The following NR2C1 variants were observed in gnomAD, a reference collection of about 807,000 sequenced individuals.
The protein encoded by NR2C1 is TR2 nuclear hormone receptor.
A neutral mutation model predicts 74.8 loss-of-function variants in NR2C1; 33 were observed. The ratio of observed to expected loss-of-function variants is 0.44; its 90% CI spans 0.33 to 0.59. NR2C1 has a LOEUF of 0.59. Ranked by LOEUF, NR2C1 falls within the 20% of genes least tolerant of loss-of-function variation. The pLI is 0.02. For synonymous variants in NR2C1, 225 were observed against 240.6 expected (o/e 0.94, Z 0.60); for missense variants, 568 against 715.6 (o/e 0.79, Z 2.35).
At chr12:95,030,381 T>G in intron 11 of NR2C1, 1 of 1,096,132 alleles carries the variant, frequency 9.1e-7, no homozygotes, top group Non-Finnish European at 1.2e-6. Context: ...GTAAAAACAC[T>G]GTTAAGAAGA....
At chr12:95,040,085 CAGCTCTTT>C (rs1030321106) in intron 10 of NR2C1, among the ~76,000 whole-genome samples, 2 of 151,584 alleles carry the variant, frequency 1.3e-5, no homozygotes, top group African/African-American at 4.9e-5. Flanking sequence ...AGGCAAAATT[CAGCTCTTT>C]AGTAACATGC....
chr12:95,044,995 G>GGA (rs1872128720), intron 9 of NR2C1, among the ~76,000 whole-genome samples: 3 of 152,192 alleles, frequency 2.0e-5, no homozygotes, highest in Non-Finnish European at 4.4e-5. Flanking sequence ...CTTGTGGCCA[G>GGA]GAGTTTGAGA....
At position 95,057,844 on chromosome 12, in the gene NR2C1, T is replaced by C; in HGVS notation, c.579A>G (p.Ser193=). The change falls in exon 6 of 14, where the codon TCA becomes TCG. Residue 193 remains serine (S), a synonymous_variant. Transcript: ENST00000333003. ...VQCERKPIEV[S]REKSSNCAAS... is the part of the protein sequence containing the mutation. ...CGGCACAGTTGGAAGATTTTTCTCG[T>C]GATACTTCAATGGGTTTTCTTTCAC... 6 of 1,614,054 alleles carry C rather than the reference T, an allele frequency of 3.7e-6. No homozygotes were observed. The highest frequency in any genetic ancestry group is 3.4e-6 in the Non-Finnish European group (4 of 1,179,930).
intron 7 of NR2C1, among the ~76,000 whole-genome samples, 164 bp downstream of exon 7, chr12:95,057,389 G>A (rs889005202): frequency 6.6e-6 from 1 of 151,438 alleles, no homozygotes; most frequent in African/African-American, 2.4e-5. Context: ...ACAGATGTGA[G>A]CCACTGTGCC....
In NR2C1 at chr12:95,073,576, G is replaced by C. The variant is rs1417134464; in HGVS notation, c.-204C>G. 2.0e-5 allele frequency: 3 copies of C among 152,278 alleles called. No individual in the cohort carries two copies. Among genetic ancestry groups the C allele is most frequent in the South Asian group, 4.1e-4 (2 of 4,832 alleles). The allele number at this position is 152,278 out of a possible 1,614,324, so 9.4% of individuals were successfully genotyped here. A position where few individuals can be genotyped will look rare whatever the true frequency, so the allele number is the denominator to read the frequency against. Reference sequence around the variant, plus strand: ...GTCAGAGTTCGTGACCTCTTTCTCGGCTCGGCGGCGCGCTATCCCGCCAGC... The same window carrying C: ...GTCAGAGTTCGTGACCTCTTTCTCGCCTCGGCGGCGCGCTATCCCGCCAGC... On this transcript the variant is annotated 5_prime_UTR_variant, in exon 1 of 14. Transcript: ENST00000333003.
intron 12 of NR2C1, 111 bp from the exon 13 acceptor site, chr12:95,025,366 T>C: frequency 1.6e-6 from 1 of 609,954 alleles, no homozygotes; most frequent in East Asian, 3.1e-5. Flanking sequence ...CATCATAAAA[T>C]GTGTGGCTCA....
At chr12:95,034,322 G>A (rs1446511387) in intron 10 of NR2C1, among the ~76,000 whole-genome samples, 1 of 151,918 alleles carries the variant, frequency 6.6e-6, no homozygotes, top group Non-Finnish European at 1.5e-5. Flanking sequence ...AAGAAAACCG[G>A]TATTTTATAA....
At chr12:95,033,831 G>A (rs1010695138) in intron 10 of NR2C1, among the ~76,000 whole-genome samples, 1 of 152,216 alleles carries the variant, frequency 6.6e-6, no homozygotes, top group African/African-American at 2.4e-5. Flanking sequence ...ATCTTAGCGA[G>A]TACAGAACAG....
chr12:95,059,784 CTTTA>C (rs1874469961), intron 4 of NR2C1, 118 bp downstream of exon 4: 2 of 683,848 alleles, frequency 2.9e-6, no homozygotes, highest in Non-Finnish European at 4.7e-6. Flanking sequence ...CGACATACTC[CTTTA>C]TTTCTCTTCT....
chr12:95,020,307 T>C lies in NR2C1; in HGVS notation c.*1922A>G, dbSNP rs1868661287. ...TTGTAATGCAAGTCACATTTTAATA[T>C]AGTTTTAAAGTCTTCCAAATATAGT... On this transcript the variant is annotated 3_prime_UTR_variant, in exon 14 of 14. Coordinates refer to ENST00000333003, the MANE Select transcript of NR2C1 (RefSeq NM_003297.4). 1 of 152,218 alleles carries C rather than the reference T, an allele frequency of 6.6e-6. No individual in the cohort carries two copies. The highest frequency in any genetic ancestry group is 6.5e-5 in the Admixed American group (1 of 15,270). The allele number at this position is 152,218 out of a possible 1,614,324, so 9.4% of individuals were successfully genotyped here.
At chr12:95,072,656 A>T (rs1030422790) in intron 1 of NR2C1, 2 of 152,176 alleles carry the variant, frequency 1.3e-5, no homozygotes, top group African/African-American at 4.8e-5. Context: ...TTATGGGACA[A>T]CCTGGCAACA....
At position 95,058,299 on chromosome 12, in the gene NR2C1, C is replaced by T. The variant is rs747072646; in HGVS notation, c.544+11G>A. 54 of 1,587,348 alleles carry T rather than the reference C, an allele frequency of 3.4e-5. No homozygotes were observed. The highest frequency in any genetic ancestry group is 4.4e-5 in the Non-Finnish European group (51 of 1,172,276). On this transcript the variant is annotated intron_variant, in intron 5 of 13. Coordinates refer to ENST00000333003, the MANE Select transcript of NR2C1 (RefSeq NM_003297.4). Reference sequence around the variant, plus strand: ...TTAAAAAGTATTTTCTCCTTAAAAGCTAATACATACAGTCTTGCTTCATTC... The same window carrying T: ...TTAAAAAGTATTTTCTCCTTAAAAGTTAATACATACAGTCTTGCTTCATTC...
intron 1 of NR2C1, among the ~76,000 whole-genome samples, chr12:95,067,688 T>G (rs1486519762): frequency 6.6e-6 from 1 of 151,546 alleles, no homozygotes; most frequent in South Asian, 2.1e-4. Context: ...CTCAGCCTCC[T>G]GAGTAGCTGG....
intron 7 of NR2C1, among the ~76,000 whole-genome samples, chr12:95,054,255 G>A (rs1873501791): frequency 6.6e-6 from 1 of 150,642 alleles, no homozygotes; most frequent in Non-Finnish European, 1.5e-5. Flanking sequence ...CCAGAAAAAT[G>A]ACCCAAATAG....
At chr12:95,068,290 T>C (rs1198598236) in intron 1 of NR2C1, among the ~76,000 whole-genome samples, 1 of 152,194 alleles carries the variant, frequency 6.6e-6, no homozygotes. Flanking sequence ...AATGAACTAA[T>C]TTTAACTCAA....
chr12:95,031,581 T>C (rs747280487), intron 10 of NR2C1, 93 bp from the exon 11 acceptor site: 3 of 869,556 alleles, frequency 3.5e-6, no homozygotes, highest in African/African-American at 3.5e-5. Flanking sequence ...AAACAGCATA[T>C]TACTAAACTA....
chr12:95,070,841 CG>C (rs1791451544), intron 1 of NR2C1, among the ~76,000 whole-genome samples: 1 of 152,196 alleles, frequency 6.6e-6, no homozygotes, highest in Admixed American at 6.5e-5. Context: ...GGTCAAACTA[CG>C]ATGTTCTTTA....
Position 95,060,105 on chromosome 12 carries a change from CA to C in NR2C1, c.286-122del, listed in dbSNP as rs1270078154. The C allele has an allele frequency of 2.0e-5, 16 of 786,752 alleles. No individual in the cohort carries two copies. The African/African-American group carries it at 2.5e-4, about 12-fold the overall frequency. The allele number at this position is 786,752 out of a possible 1,614,324, so 48.7% of individuals were successfully genotyped here. A position where few individuals can be genotyped will look rare whatever the true frequency, so the allele number is the denominator to read the frequency against. On this transcript the variant is annotated intron_variant, in intron 3 of 13. Coordinates refer to ENST00000333003, the MANE Select transcript of NR2C1 (RefSeq NM_003297.4). ...GGTCTTGCTTTGTTGCTTTCTTTTTCACAAGTTATTTTTAAACTTTGTACTC... is the reference window on the plus strand; with the variant it reads ...GGTCTTGCTTTGTTGCTTTCTTTTTCCAAGTTATTTTTAAACTTTGTACTC...
chr12:95,071,581 C>G (rs1282003073), intron 1 of NR2C1, among the ~76,000 whole-genome samples: 2 of 152,004 alleles, frequency 1.3e-5, no homozygotes, highest in African/African-American at 4.8e-5. Context: ...CCTGTAATTC[C>G]AGCTACTCAA....
Sources: gnomAD v4.1 joint callset for allele counts (sites outside exome capture counted in the v4.1 genomes callset) on GRCh38, gnomAD v4.1.1 for gene constraint, MANE v1.5 for transcripts, NCBI Gene and HGNC (gene_info 2026-07-23, HGNC 2026-07-21) for gene names.